The following ACTR3C variants were observed in gnomAD, a reference collection of about 807,000 sequenced individuals.
ACTR3C encodes actin related protein 3C.
Under a neutral mutation model 26.3 loss-of-function variants are expected in ACTR3C, and 18 were observed. The ratio of observed to expected loss-of-function variants is 0.68; its 90% CI spans 0.47 to 1.01. The LOEUF (loss-of-function observed/expected upper bound fraction) is 1.01. Ranked by LOEUF, ACTR3C falls within the 50% of genes least tolerant of loss-of-function variation. The pLI, the probability that ACTR3C is intolerant of heterozygous loss-of-function variation, is 0.00. For synonymous variants in ACTR3C, 55 were observed against 94.5 expected, an observed-to-expected ratio of 0.58 and a Z score of 2.42; for missense variants, 184 against 250.7, an observed-to-expected ratio of 0.73 and a Z score of 1.80.
the ACTR3C span, among the ~76,000 whole-genome samples, chr7:149,960,439 T>A: frequency 0.016 from 2,406 of 152,252 alleles, 68 homozygotes; most frequent in African/African-American, 0.053. Flanking sequence ...TGTAAAAAAA[T>A]GCATACTACA....
At chr7:149,971,155 T>C in the ACTR3C span, among the ~76,000 whole-genome samples, 3 of 152,290 alleles carry the variant, frequency 2.0e-5, no homozygotes, top group East Asian at 5.8e-4. Flanking sequence ...CTGAACACAA[T>C]AGAGTCTCTG....
the ACTR3C span, among the ~76,000 whole-genome samples, chr7:150,223,575 C>A: frequency 6.6e-6 from 1 of 151,666 alleles, no homozygotes; most frequent in Non-Finnish European, 1.5e-5. Flanking sequence ...TATTGCATAG[C>A]AAATAGAGAT....
the ACTR3C span, among the ~76,000 whole-genome samples, chr7:150,046,354 C>G: frequency 4.7e-4 from 34 of 71,846 alleles, 3 homozygotes; most frequent in Non-Finnish European, 1.1e-3. Context: ...ACCGCCCCCC[C>G]CCCCCCGACC....
the ACTR3C span, among the ~76,000 whole-genome samples, chr7:150,191,174 T>C: frequency 6.6e-6 from 1 of 152,244 alleles, no homozygotes; most frequent in East Asian, 1.9e-4. Flanking sequence ...TTATGTTATT[T>C]CCTTTCCAAT....
chr7:150,165,156 C>T, the ACTR3C span, among the ~76,000 whole-genome samples: 1 of 152,238 alleles, frequency 6.6e-6, no homozygotes, highest in Non-Finnish European at 1.5e-5. Flanking sequence ...TGCAATTCAA[C>T]ATCTCGGTAT....
At chr7:150,282,611 A>T (rs1317067766) in intron 6 of ACTR3C, among the ~76,000 whole-genome samples, 2 of 143,918 alleles carry the variant, frequency 1.4e-5, no homozygotes, top group Admixed American at 1.3e-4. Context: ...GGAAGACAGG[A>T]TTTATTCTGC....
intron 4 of ACTR3C, among the ~76,000 whole-genome samples, chr7:150,288,249 T>C (rs1173980551): frequency 1.3e-5 from 2 of 148,856 alleles, no homozygotes; most frequent in African/African-American, 5.1e-5. Flanking sequence ...GGGTCCAAAT[T>C]GGAACCCCAA....
chr7:149,956,193 A>T, the ACTR3C span, among the ~76,000 whole-genome samples: 2 of 152,232 alleles, frequency 1.3e-5, no homozygotes, highest in Non-Finnish European at 2.9e-5. Flanking sequence ...GATTTAGATC[A>T]TGTTAGGTAT....
the ACTR3C span, among the ~76,000 whole-genome samples, chr7:150,008,492 C>A: frequency 2.9e-3 from 445 of 152,316 alleles, no homozygotes; most frequent in Admixed American, 4.0e-3. Context: ...ATTTAAATAT[C>A]CACAGGTGGT....
the ACTR3C span, among the ~76,000 whole-genome samples, chr7:149,906,487 A>G: frequency 1.7e-5 from 2 of 120,756 alleles, no homozygotes; most frequent in South Asian, 5.8e-4. Context: ...GCTGGAGTGC[A>G]GTGGTGCAAT....
chr7:149,901,380 T>A, the ACTR3C span, among the ~76,000 whole-genome samples: 1 of 149,986 alleles, frequency 6.7e-6, no homozygotes. Context: ...TTGTTTTTAT[T>A]TTTTAGAGAC....
At chr7:150,137,460 C>G in the ACTR3C span, among the ~76,000 whole-genome samples, 1 of 152,188 alleles carries the variant, frequency 6.6e-6, no homozygotes, top group African/African-American at 2.4e-5. Context: ...CGTGGCCACT[C>G]AACTCCCCTA....
downstream of ACTR3C, among the ~76,000 whole-genome samples, chr7:150,239,538 CTCTA>C (rs1248285717): frequency 0.012 from 1,210 of 104,138 alleles, 26 homozygotes; most frequent in African/African-American, 0.021. Context: ...CTCTCTCTCT[CTCTA>C]TATATATATA....
the ACTR3C span, among the ~76,000 whole-genome samples, chr7:150,232,416 G>C: frequency 6.6e-6 from 1 of 151,604 alleles, no homozygotes; most frequent in African/African-American, 2.4e-5. Context: ...TTTTCTATTT[G>C]CTATATTTGT....
the ACTR3C span, among the ~76,000 whole-genome samples, chr7:150,023,151 A>C: frequency 3.5e-4 from 25 of 71,192 alleles, no homozygotes; most frequent in African/African-American, 7.8e-4. Context: ...ATAGATATCT[A>C]TATAGATATC....
the ACTR3C span, among the ~76,000 whole-genome samples, chr7:150,101,336 A>G: frequency 6.6e-6 from 1 of 151,660 alleles, no homozygotes; most frequent in Non-Finnish European, 1.5e-5. Context: ...CAGGTTTCCA[A>G]ACTGCTTGCA....
the ACTR3C span, among the ~76,000 whole-genome samples, chr7:149,964,008 A>G: frequency 2.4e-4 from 37 of 152,268 alleles, no homozygotes; most frequent in African/African-American, 8.4e-4. Flanking sequence ...AAAGTAGGAT[A>G]GCATTACAGA....
chr7:150,253,246 C>T (rs191623213), intron 6 of ACTR3C, among the ~76,000 whole-genome samples: 1 of 152,118 alleles, frequency 6.6e-6, no homozygotes, highest in Admixed American at 6.5e-5. Context: ...ATAAAGGCTG[C>T]CATTTTTCAG....
At chr7:149,964,236 G>A in the ACTR3C span, among the ~76,000 whole-genome samples, 1,080 of 152,314 alleles carry the variant, frequency 7.1e-3, 12 homozygotes, top group African/African-American at 0.024. Flanking sequence ...GCCACCCAAT[G>A]GAAGATTTTT....
Sources: gnomAD v4.1 joint callset for allele counts (sites outside exome capture counted in the v4.1 genomes callset) on GRCh38, gnomAD v4.1.1 for gene constraint, MANE v1.5 for transcripts, NCBI Gene and HGNC (gene_info 2026-07-23, HGNC 2026-07-21) for gene names.